RASSF8: variants seen among roughly 807,000 people sequenced by gnomAD.
RASSF8 encodes ras association domain-containing protein 8.
RASSF8 carries 22 observed loss-of-function variants against 48.5 expected under a neutral mutation model. The observed-to-expected ratio is 0.45, with a 90% confidence interval of 0.32 to 0.65. The LOEUF (loss-of-function observed/expected upper bound fraction) is 0.65. Ranked by LOEUF, RASSF8 falls within the 30% of genes least tolerant of loss-of-function variation. The probability of loss-of-function intolerance (pLI) is 0.03; values close to 1 mark genes in which losing one functional copy is unlikely to be tolerated. For missense variants in RASSF8, 418 were observed against 489.2 expected, an observed-to-expected ratio of 0.85 and a Z score of 1.37; for synonymous variants, 127 against 171.5, an observed-to-expected ratio of 0.74 and a Z score of 2.03.
At chr12:26,038,776 G>A (rs780122163) in intron 2 of RASSF8, among the ~76,000 whole-genome samples, 2 of 151,984 alleles carry the variant, frequency 1.3e-5, no homozygotes, top group Non-Finnish European at 2.9e-5. Flanking sequence ...TATTTAATTT[G>A]ACTTTAGTGT....
intron 2 of RASSF8, chr12:26,011,932 T>C (rs1476000200): frequency 6.6e-6 from 1 of 152,242 alleles, no homozygotes; most frequent in Non-Finnish European, 1.5e-5. Flanking sequence ...ATCTAGTGTC[T>C]TTAAAGCTTT....
At chr12:26,034,406 TAA>T (rs11344442) in intron 2 of RASSF8, among the ~76,000 whole-genome samples, 8,629 of 144,298 alleles carry the variant, frequency 0.06, 274 homozygotes, top group East Asian at 0.12. Flanking sequence ...GCAGATGAAG[TAA>T]AAAAAAAAAA....
intron 1 of RASSF8, among the ~76,000 whole-genome samples, chr12:25,969,608 G>A (rs1941437539): frequency 6.6e-6 from 1 of 152,116 alleles, no homozygotes; most frequent in African/African-American, 2.4e-5. Flanking sequence ...AGGTGGGGAA[G>A]TGAGGAGAAG....
chr12:26,007,956 C>G (rs1483626698), intron 2 of RASSF8, among the ~76,000 whole-genome samples: 1 of 152,164 alleles, frequency 6.6e-6, no homozygotes, highest in Admixed American at 6.5e-5. Flanking sequence ...AATGCATCCT[C>G]ATTCTTCAAA....
At chr12:26,014,719 T>C (rs988035742) in intron 2 of RASSF8, among the ~76,000 whole-genome samples, 7 of 152,186 alleles carry the variant, frequency 4.6e-5, no homozygotes, top group Non-Finnish European at 1.0e-4. Context: ...AGCAGAAACT[T>C]TGAAGTTTTC....
At chr12:25,993,260 A>T (rs142459653) in intron 1 of RASSF8, among the ~76,000 whole-genome samples, 4 of 152,248 alleles carry the variant, frequency 2.6e-5, no homozygotes, top group African/African-American at 9.6e-5. Context: ...TTTGAATTAC[A>T]TATGGGAGAA....
chr12:26,001,492 A>G (rs1489454848), intron 2 of RASSF8, among the ~76,000 whole-genome samples: 2 of 152,142 alleles, frequency 1.3e-5, no homozygotes, highest in East Asian at 1.9e-4. Context: ...ATACAAATAC[A>G]TTGTACAGCT....
intron 2 of RASSF8, among the ~76,000 whole-genome samples, chr12:26,041,083 G>A (rs990485588): frequency 3.3e-5 from 5 of 151,512 alleles, no homozygotes; most frequent in Admixed American, 2.6e-4. Flanking sequence ...TAGTAGAGAC[G>A]GGGTTTCACC....
chr12:26,062,179 T>G (rs889382309), intron 3 of RASSF8, among the ~76,000 whole-genome samples: 4 of 152,168 alleles, frequency 2.6e-5, no homozygotes, highest in Non-Finnish European at 5.9e-5. Context: ...AGAGTAAGAT[T>G]CCTAAAAGCA....
At chr12:26,044,508 T>G (rs942554959) in intron 2 of RASSF8, among the ~76,000 whole-genome samples, 13 of 152,190 alleles carry the variant, frequency 8.5e-5, no homozygotes, top group African/African-American at 3.1e-4. Flanking sequence ...TTGAGCTGTT[T>G]ATATTATCAA....
chr12:26,058,974 T>C (rs1423075793), intron 3 of RASSF8, among the ~76,000 whole-genome samples: 4 of 152,224 alleles, frequency 2.6e-5, no homozygotes, highest in African/African-American at 4.8e-5. Context: ...CTGTACACCC[T>C]GAACTTTCTG....
At chr12:25,959,938 ATTG>A (rs1941190458) in intron 1 of RASSF8, among the ~76,000 whole-genome samples, 1 of 152,128 alleles carries the variant, frequency 6.6e-6, no homozygotes, top group Non-Finnish European at 1.5e-5. Flanking sequence ...GCGGGTCAAT[ATTG>A]TTGCTGATCT....
chr12:26,074,879 AG>A (rs557167635), downstream of RASSF8, among the ~76,000 whole-genome samples: 11 of 152,314 alleles, frequency 7.2e-5, no homozygotes, highest in African/African-American at 2.4e-4. Context: ...TCTGATCATG[AG>A]GGGCCTTGGT....
At chr12:26,035,584 A>C (rs1383999088) in intron 2 of RASSF8, among the ~76,000 whole-genome samples, 1 of 143,624 alleles carries the variant, frequency 7.0e-6, no homozygotes, top group African/African-American at 2.5e-5. Context: ...TGTATATATA[A>C]TTTTATATTG....
intron 2 of RASSF8, among the ~76,000 whole-genome samples, chr12:26,040,688 T>G (rs1495647): frequency 0.57 from 87,039 of 151,922 alleles, 26,621 homozygotes; most frequent in Non-Finnish European, 0.68. Flanking sequence ...GTAACTTACT[T>G]AGTCCTTGAA....
chr12:26,041,181 C>T (rs1013205302), intron 2 of RASSF8, among the ~76,000 whole-genome samples: 1 of 152,104 alleles, frequency 6.6e-6, no homozygotes, highest in Admixed American at 6.6e-5. Flanking sequence ...CGTGAGCCAC[C>T]GTGCCTGGCC....
downstream of RASSF8, among the ~76,000 whole-genome samples, chr12:26,077,140 C>A (rs1228152395): frequency 6.6e-6 from 1 of 152,112 alleles, no homozygotes; most frequent in East Asian, 1.9e-4. Context: ...TGTTTGAGTT[C>A]TTTGTAGATT....
At chr12:26,058,801 T>C (rs1050517100) in intron 3 of RASSF8, among the ~76,000 whole-genome samples, 10 of 152,202 alleles carry the variant, frequency 6.6e-5, no homozygotes, top group African/African-American at 2.4e-4. Flanking sequence ...GAAGAAATCT[T>C]TTCTACACTA....
chr12:26,035,676 T>G (rs61914246), intron 2 of RASSF8, among the ~76,000 whole-genome samples: 2 of 144,960 alleles, frequency 1.4e-5, no homozygotes, highest in South Asian at 4.2e-4. Context: ...TTTTTTCTCT[T>G]ACAATAAACA....
Sources: gnomAD v4.1 joint callset for allele counts (sites outside exome capture counted in the v4.1 genomes callset) on GRCh38, gnomAD v4.1.1 for gene constraint, MANE v1.5 for transcripts, NCBI Gene and HGNC (gene_info 2026-07-23, HGNC 2026-07-21) for gene names.